The following EGFLAM variants were observed in gnomAD, a reference collection of about 807,000 sequenced individuals.
EGFLAM encodes EGF like, fibronectin type III and laminin G domains, also known as pikachurin.
EGFLAM carries 79 observed loss-of-function variants against 113.1 expected under a neutral mutation model. That is an observed-to-expected ratio of 0.70 (90% CI 0.58 to 0.84). EGFLAM has a LOEUF of 0.84. EGFLAM is among the 40% of genes least tolerant of loss of function. The pLI is 0.00. For missense variants in EGFLAM, 1,265 were observed against 1,291.6 expected (o/e 0.98, Z 0.32); for synonymous variants, 504 against 487.6 (o/e 1.03, Z -0.44).
intron 11 of EGFLAM, among the ~76,000 whole-genome samples, chr5:38,413,055 T>C (rs1446674337): frequency 6.6e-6 from 1 of 152,080 alleles, no homozygotes; most frequent in Non-Finnish European, 1.5e-5. Flanking sequence ...AGGGTCTCAC[T>C]CTGTCCCCCA....
intron 1 of EGFLAM, among the ~76,000 whole-genome samples, chr5:38,274,547 G>A (rs1233265282): frequency 1.3e-5 from 2 of 151,162 alleles, no homozygotes; most frequent in African/African-American, 4.8e-5. Context: ...AGGGTGGGAT[G>A]ATATACTCAG....
rs144110498 is a variant in EGFLAM, at chr5:38,462,916, A to C, written c.2780A>C (p.Gln927Pro). 2 of 1,614,078 alleles carry C rather than the reference A, an allele frequency of 1.2e-6. No homozygotes were observed. The highest frequency in any genetic ancestry group is 2.7e-5 in the African/African-American group (2 of 74,930). The change falls in exon 21 of 22, where the codon CAG becomes CCG. Residue 927 changes from glutamine (Q) to proline (P), a missense_variant. Gln to Pro is a moderately conservative substitution (Grantham distance 76). Transcript: ENST00000322350. ...GTTTTGGTGTTTTGCAGGGATGGCCAGTCAGGAAAGATAACCGTGGATGAC... is the reference window on the plus strand; with the variant it reads ...GTTTTGGTGTTTTGCAGGGATGGCCCGTCAGGAAAGATAACCGTGGATGAC... ...WHRVKAVRDG[Q>P]SGKITVDDYG...
At chr5:38,353,719 A>G (rs994957660) in intron 5 of EGFLAM, among the ~76,000 whole-genome samples, 7 of 152,226 alleles carry the variant, frequency 4.6e-5, no homozygotes, top group Non-Finnish European at 1.0e-4. Flanking sequence ...CAGCAAATCT[A>G]AATTCAGGGG....
In EGFLAM at chr5:38,381,715, T is replaced by C. The variant is rs946454020; in HGVS notation, c.712+11253T>C. Among the ~76,000 whole-genome samples, 6 of 152,334 alleles carry C rather than the reference T, an allele frequency of 3.9e-5. No individual in the cohort carries two copies. The South Asian group carries it at 1.2e-3, about 32-fold the overall frequency. On this transcript the variant is annotated intron_variant, in intron 6 of 21. Coordinates refer to ENST00000322350, the MANE Select transcript of EGFLAM (RefSeq NM_152403.4). ...AAAATTTAGGGGAACACTCTGACTC[T>C]TTTTCCTCTCTCTTCTTTCTTGTTG...
At chr5:38,313,539 T>G (rs752149517) in intron 1 of EGFLAM, among the ~76,000 whole-genome samples, 2 of 152,250 alleles carry the variant, frequency 1.3e-5, no homozygotes, top group Non-Finnish European at 2.9e-5. Context: ...GTATTAATAC[T>G]AGGGCATATT....
rs752242039 is a variant in EGFLAM at position 38,462,932 on chromosome 5, C to G, written c.2796C>G (p.Thr932=). 4 of 1,614,076 alleles carry G rather than the reference C, an allele frequency of 2.5e-6. No individual in the cohort carries two copies. The Admixed American group carries it at 5.0e-5, about 20-fold the overall frequency. Reference sequence around the variant, plus strand: ...GGGATGGCCAGTCAGGAAAGATAACCGTGGATGACTATGGAGCCAGAACAG... The same window carrying G: ...GGGATGGCCAGTCAGGAAAGATAACGGTGGATGACTATGGAGCCAGAACAG... The part of the protein sequence containing the change: ...AVRDGQSGKI[T]VDDYGARTGK... The change falls in exon 21 of 22, where the codon ACC becomes ACG. Residue 932 remains threonine, a synonymous_variant. Transcript: ENST00000322350.
chr5:38,307,360 G>C (rs952112487), intron 1 of EGFLAM, among the ~76,000 whole-genome samples: 1 of 152,190 alleles, frequency 6.6e-6, no homozygotes, highest in Non-Finnish European at 1.5e-5. Flanking sequence ...GAATCATGGG[G>C]ATGGTATCCC....
At chr5:38,372,456 G>T (rs1227534362) in intron 6 of EGFLAM, among the ~76,000 whole-genome samples, 2 of 152,126 alleles carry the variant, frequency 1.3e-5, no homozygotes, top group Non-Finnish European at 1.5e-5. Context: ...ATGACGCCCG[G>T]CCTCATACTG....
At chr5:38,383,115 T>C (rs944476573) in intron 6 of EGFLAM, among the ~76,000 whole-genome samples, 3 of 152,182 alleles carry the variant, frequency 2.0e-5, no homozygotes, top group African/African-American at 7.2e-5. Flanking sequence ...TTAGATTGCG[T>C]CAGATAGAGG....
At chr5:38,338,644 G>A in intron 2 of EGFLAM, 54 bp from the exon 3 acceptor site, 2 of 1,561,744 alleles carry the variant, frequency 1.3e-6, no homozygotes, top group Non-Finnish European at 1.8e-6. Flanking sequence ...TACAACCTTT[G>A]ATCTTACACA....
At chr5:38,412,679 C>G (rs762673193) in intron 11 of EGFLAM, 31 bp downstream of exon 11, 1 of 1,607,350 alleles carries the variant, frequency 6.2e-7, no homozygotes, top group Admixed American at 1.7e-5. Context: ...CTGCCCACCC[C>G]ACATACCACC....
chr5:38,431,684 C>T (rs897716362), intron 15 of EGFLAM, among the ~76,000 whole-genome samples: 27 of 152,174 alleles, frequency 1.8e-4, no homozygotes, highest in African/African-American at 6.5e-4. Flanking sequence ...TAAGTCCAGA[C>T]TCCTGGGGCT....
chr5:38,301,664 T>G (rs1390929716), intron 1 of EGFLAM, among the ~76,000 whole-genome samples: 1 of 152,174 alleles, frequency 6.6e-6, no homozygotes, highest in East Asian at 1.9e-4. Context: ...TGTGCTAGGG[T>G]TAACATAGAA....
At chr5:38,312,638 A>G (rs1738486323) in intron 1 of EGFLAM, among the ~76,000 whole-genome samples, 1 of 152,200 alleles carries the variant, frequency 6.6e-6, no homozygotes, top group South Asian at 2.1e-4. Flanking sequence ...AATGTGTTAG[A>G]TGTTATTCTT....
chr5:38,306,113 G>A lies in EGFLAM; in HGVS notation c.98-31407G>A, dbSNP rs1452174474. Among the ~76,000 whole-genome samples the A allele has an allele frequency of 2.0e-5, 3 of 152,166 alleles. No homozygotes were observed. The East Asian group carries it at 5.8e-4, about 29-fold the overall frequency. On this transcript the variant is annotated intron_variant, in intron 1 of 21. Transcript: ENST00000322350. Reference sequence around the variant, plus strand: ...AATGGCCTGACCTACAGAGCTCTTTGGTGTTGGCTAATTCATCATGGTGTC... The same window carrying A: ...AATGGCCTGACCTACAGAGCTCTTTAGTGTTGGCTAATTCATCATGGTGTC...
chr5:38,452,910 C>T (rs185670848), intron 19 of EGFLAM, among the ~76,000 whole-genome samples: 1 of 152,310 alleles, frequency 6.6e-6, no homozygotes, highest in South Asian at 2.1e-4. Context: ...ACTCTTCTTA[C>T]CAGATTGGGT....
At chr5:38,343,256 A>T (rs1478977107) in intron 3 of EGFLAM, among the ~76,000 whole-genome samples, 5 of 151,998 alleles carry the variant, frequency 3.3e-5, no homozygotes, top group African/African-American at 1.2e-4. Flanking sequence ...CTACAAAAAA[A>T]TTAGCCAGGT....
At chr5:38,445,511 G>A in intron 17 of EGFLAM, 1 of 1,521,172 alleles carries the variant, frequency 6.6e-7, no homozygotes, top group Non-Finnish European at 8.8e-7. Context: ...GTGGTTCCCC[G>A]CGGGGCTCAT....
At chr5:38,449,674 ATGTGTG>A (rs141510682) in intron 18 of EGFLAM, among the ~76,000 whole-genome samples, 3 of 149,990 alleles carry the variant, frequency 2.0e-5, no homozygotes, top group East Asian at 2.0e-4. Flanking sequence ...GTGCGCATGC[ATGTGTG>A]TGTGTGTGTG....
Sources: allele counts gnomAD v4.1 joint callset (sites outside exome capture counted in the v4.1 genomes callset), GRCh38; gene constraint gnomAD v4.1.1; transcripts MANE v1.5; gene names NCBI Gene and HGNC (gene_info 2026-07-23, HGNC 2026-07-21).